The following LOXHD1 variants were observed in gnomAD, a reference collection of about 807,000 sequenced individuals.
LOXHD1 encodes the protein lipoxygenase homology domain-containing protein 1.
A neutral mutation model predicts 248.2 loss-of-function variants in LOXHD1; 205 were observed. The observed-to-expected ratio is 0.83, with a 90% CI of 0.74 to 0.93. The LOEUF is 0.93. LOXHD1 is among the 40% of genes least tolerant of loss of function. The pLI, the probability that LOXHD1 is intolerant of heterozygous loss-of-function variation, is 0.00. For missense variants in LOXHD1, 2,930 were observed against 2,971.6 expected (o/e 0.99, Z 0.33); for synonymous variants, 1,113 against 1,162.8 (o/e 0.96, Z 0.87).
chr18:46,641,903 A>C, intron 3 of LOXHD1, 53 bp downstream of exon 3: 3 of 1,476,266 alleles, frequency 2.0e-6, no homozygotes, highest in Non-Finnish European at 2.8e-6. Context: ...TATTGAAGTC[A>C]ATCCCTCACT....
At chr18:46,644,890 G>T (rs2039009567) in intron 2 of LOXHD1, among the ~76,000 whole-genome samples, 1 of 152,172 alleles carries the variant, frequency 6.6e-6, no homozygotes, top group East Asian at 1.9e-4. Flanking sequence ...GGGACACCAG[G>T]GAGAAGATCC....
intron 37 of LOXHD1, among the ~76,000 whole-genome samples, chr18:46,497,257 C>T (rs1471781929): frequency 6.6e-6 from 1 of 152,120 alleles, no homozygotes; most frequent in Non-Finnish European, 1.5e-5. Flanking sequence ...GGGTGTCAAG[C>T]TCTTTGGAGA....
At position 46,610,944 on chromosome 18, in the gene LOXHD1, A is replaced by G. The variant is rs774128977; in HGVS notation, c.611-20T>C. On this transcript the variant is annotated intron_variant, in intron 5 of 40. Coordinates refer to ENST00000642948, the MANE Select transcript of LOXHD1 (RefSeq NM_001384474.1). ...GCTCCCCTGTATGCACAGACATACA[A>G]AAGAAATTACAAAAAGACCAGAAGA... 28 of 1,549,330 alleles carry G rather than the reference A, an allele frequency of 1.8e-5. No individual in the cohort carries two copies. The highest frequency in any genetic ancestry group is 2.4e-5 in the Non-Finnish European group (28 of 1,146,388).
At chr18:46,642,464 G>A (rs1017557261) in intron 2 of LOXHD1, among the ~76,000 whole-genome samples, 1 of 152,164 alleles carries the variant, frequency 6.6e-6, no homozygotes, top group African/African-American at 2.4e-5. Context: ...CCCATCACTG[G>A]CCTTGCTTTT....
At chr18:46,610,692 T>A in intron 6 of LOXHD1, 84 bp downstream of exon 6, 1 of 1,431,464 alleles carries the variant, frequency 7.0e-7, no homozygotes, top group Non-Finnish European at 9.2e-7. Flanking sequence ...GAGAGGAAAG[T>A]TGGGACTGAG....
chr18:46,596,998 T>C (rs114748126), intron 8 of LOXHD1, among the ~76,000 whole-genome samples: 3,164 of 152,302 alleles, frequency 0.021, 112 homozygotes, highest in African/African-American at 0.072. Flanking sequence ...AGGTCTTAGA[T>C]GCAAGAAGAA....
rs907093343 is a variant in LOXHD1 at position 46,483,879 on chromosome 18, G to A, written c.6183-134C>T. 5 of 1,052,366 alleles carry A rather than the reference G, an allele frequency of 4.8e-6. No homozygotes were observed. The African/African-American group carries it at 6.3e-5, about 13-fold the overall frequency. 65.2% of individuals were successfully genotyped at this position (1,052,366 alleles called of 1,614,324 possible). ...GGATGGCAAGCAGGAGCTCATGGCA[G>A]TCCTGGAGGCTTTGAGGGGTTCAGT... On this transcript the variant is annotated intron_variant, in intron 39 of 40. Transcript: ENST00000642948.
At chr18:46,593,504 G>T (rs1684170217) in intron 10 of LOXHD1, 96 bp downstream of exon 10, 2 of 1,379,846 alleles carry the variant, frequency 1.4e-6, no homozygotes, top group African/African-American at 1.5e-5. Context: ...CTTCAAACTT[G>T]GTCCAAAACC....
chr18:46,507,682 G>A lies in LOXHD1; in HGVS notation c.5548C>T (p.Leu1850=), dbSNP rs760829643. 6.4e-7 allele frequency: 1 copy of A among 1,551,704 alleles called. No individual in the cohort carries two copies. Among genetic ancestry groups the A allele is most frequent in the South Asian group, 1.2e-5 (1 of 84,064 alleles). Residue 1850 remains leucine, a synonymous_variant, in exon 36 of 41, where the codon CTG becomes TTG. Transcript: ENST00000642948. ...ILLKNMNTGD[L]TMFYYGDWLS... The stretch of plus-strand genomic sequence containing the variant: ...CAGTCTCCATAGTAGAACATGGTCA[G>A]GTCTCCAGTGTTCATGTTCTTCAGT...
At chr18:46,553,133 C>G (rs2037175980) in intron 21 of LOXHD1, among the ~76,000 whole-genome samples, 1 of 152,184 alleles carries the variant, frequency 6.6e-6, no homozygotes, top group South Asian at 2.1e-4. Context: ...AGTGTTAGCT[C>G]CTTAAGAATA....
At chr18:46,644,461 T>TTATAG in intron 2 of LOXHD1, among the ~76,000 whole-genome samples, 1 of 152,224 alleles carries the variant, frequency 6.6e-6, no homozygotes, top group South Asian at 2.1e-4. Context: ...CTTATGCCTA[T>TTATAG]AATCACAGTG....
At chr18:46,594,301 G>A in intron 9 of LOXHD1, 30 bp downstream of exon 9, 1 of 1,550,948 alleles carries the variant, frequency 6.4e-7, no homozygotes, top group Non-Finnish European at 8.7e-7. Flanking sequence ...TGGCTGAGAG[G>A]CCTCCAGGTT....
chr18:46,477,287 A>AATT lies in LOXHD1; in HGVS notation c.*182_*184dup. On this transcript the variant is annotated 3_prime_UTR_variant, in exon 41 of 41. Coordinates refer to ENST00000642948, the MANE Select transcript of LOXHD1 (RefSeq NM_001384474.1). ...GCAGCCACAGATTATGACACATGCT[A>AATT]ATTATTATCACTGTAGGTTCAATAA... 1.2e-6 allele frequency: 1 copy of AATT among 828,706 alleles called. No homozygotes were observed. Among genetic ancestry groups the AATT allele is most frequent in the East Asian group, 2.6e-5 (1 of 37,776 alleles). 51.3% of individuals were successfully genotyped at this position (828,706 alleles called of 1,614,324 possible). A position where few individuals can be genotyped will look rare whatever the true frequency, so the allele number is the denominator to read the frequency against.
At chr18:46,592,849 T>C (rs2038196923) in intron 10 of LOXHD1, among the ~76,000 whole-genome samples, 1 of 152,128 alleles carries the variant, frequency 6.6e-6, no homozygotes, top group South Asian at 2.1e-4. Flanking sequence ...CACAGTGGGA[T>C]TCAGACTAAA....
rs2144399597 is a variant in LOXHD1, at chr18:46,649,187, A to G, written c.213T>C (p.Asn71=). The change falls in exon 2 of 41, where the codon AAT becomes AAC. Residue 71 remains asparagine (N), a synonymous_variant. Coordinates refer to ENST00000642948, the MANE Select transcript of LOXHD1 (RefSeq NM_001384474.1). The part of the protein sequence containing the change: ...ANVFITLFGE[N]GLSPKLQLTS... ...TGAGCTGGAGCTTGGGAGAGAGCCC[A>G]TTCTCTCCAAAAAGCGTGATGAAGA... 6.4e-7 allele frequency: 1 copy of G among 1,551,706 alleles called. No individual in the cohort carries two copies. The highest frequency in any genetic ancestry group is 8.7e-7 in the Non-Finnish European group (1 of 1,146,996).
chr18:46,540,654 C>CTTTTTTTT (rs60099172), intron 25 of LOXHD1, among the ~76,000 whole-genome samples: 40 of 91,416 alleles, frequency 4.4e-4, no homozygotes, highest in East Asian at 8.2e-4. Flanking sequence ...AACTCTTTAT[C>CTTTTTTTT]TTTTTTTTTT....
intron 29 of LOXHD1, among the ~76,000 whole-genome samples, chr18:46,526,328 T>A (rs1380610375): frequency 6.6e-6 from 1 of 152,216 alleles, no homozygotes; most frequent in Non-Finnish European, 1.5e-5. Flanking sequence ...GTGCAGTGGC[T>A]ATAGAGAAGA....
intron 2 of LOXHD1, among the ~76,000 whole-genome samples, chr18:46,642,887 G>A (rs1361374059): frequency 1.3e-5 from 2 of 152,086 alleles, no homozygotes; most frequent in Non-Finnish European, 2.9e-5. Context: ...ACTGGGCTGA[G>A]AGCTGCAGGC....
intron 18 of LOXHD1, 91 bp from the exon 19 acceptor site, chr18:46,560,636 G>T (rs1402259669): frequency 4.1e-6 from 5 of 1,219,392 alleles, no homozygotes; most frequent in Admixed American, 5.1e-5. Flanking sequence ...CAGGCACAAG[G>T]CCTGTTTGCT....
Sources: allele counts gnomAD v4.1 joint callset (sites outside exome capture counted in the v4.1 genomes callset), GRCh38; gene constraint gnomAD v4.1.1; transcripts MANE v1.5; gene names NCBI Gene and HGNC (gene_info 2026-07-23, HGNC 2026-07-21).